LRFN2: variants seen among roughly 807,000 people sequenced by gnomAD.
LRFN2 encodes leucine rich repeat and fibronectin type III domain containing 2, also known as leucine-rich repeat and fibronectin type-III domain-containing protein 2.
In LRFN2, 18 loss-of-function variants were observed where a neutral mutation model predicts 37.3. The ratio of observed to expected loss-of-function variants is 0.48; its 90% CI spans 0.33 to 0.72. The LOEUF (loss-of-function observed/expected upper bound fraction) is 0.72, where lower values mean the gene tolerates loss of function less well. Ranked by LOEUF, LRFN2 falls within the 30% of genes least tolerant of loss-of-function variation. The pLI, the probability that LRFN2 is intolerant of heterozygous loss-of-function variation, is 0.02. For synonymous variants in LRFN2, 556 were observed against 466.6 expected, an observed-to-expected ratio of 1.19 and a Z score of -2.47; for missense variants, 1,006 against 1,060.7, an observed-to-expected ratio of 0.95 and a Z score of 0.72.
At position 40,571,050 on chromosome 6, in the gene LRFN2, C is replaced by T. The variant is rs191336850; in HGVS notation, c.-19+15891G>A. ...GCTGCAGCCATTTAGCAAGAGGCCC[C>T]GGAAGCAGAGCTGGAGAGGAATCAC... On this transcript the variant is annotated intron_variant, in intron 1 of 2. Coordinates refer to ENST00000338305, the MANE Select transcript of LRFN2 (RefSeq NM_020737.3). 7.5e-4 allele frequency among the ~76,000 whole-genome samples: 114 copies of T among 152,300 alleles called. 1 individual carries two copies. Among genetic ancestry groups the T allele is most frequent in the Admixed American group, 5.0e-3 (77 of 15,306 alleles).
intron 1 of LRFN2, among the ~76,000 whole-genome samples, chr6:40,487,956 C>A (rs2113867897): frequency 6.6e-6 from 1 of 152,314 alleles, no homozygotes; most frequent in South Asian, 2.1e-4. Flanking sequence ...ACTCCTCTGG[C>A]TGGTGGGCAG....
intron 1 of LRFN2, among the ~76,000 whole-genome samples, chr6:40,499,388 A>C (rs1765317071): frequency 6.8e-6 from 1 of 147,482 alleles, no homozygotes. Flanking sequence ...CCTTCCAGAC[A>C]TTTTTTTTTT....
intron 1 of LRFN2, among the ~76,000 whole-genome samples, chr6:40,563,904 C>G (rs1341302179): frequency 1.3e-5 from 2 of 152,210 alleles, no homozygotes; most frequent in South Asian, 2.1e-4. Flanking sequence ...TGTGTGCCCA[C>G]AAGGTGCTGG....
intron 1 of LRFN2, among the ~76,000 whole-genome samples, chr6:40,443,961 A>G (rs919875): frequency 0.081 from 12,376 of 152,180 alleles, 640 homozygotes; most frequent in South Asian, 0.16. Context: ...ACCCACTGAC[A>G]ACCTAGGGCT....
chr6:40,420,234 G>A (rs994136834), intron 2 of LRFN2, among the ~76,000 whole-genome samples: 4 of 152,214 alleles, frequency 2.6e-5, no homozygotes, highest in Middle Eastern at 3.2e-3. Context: ...GTGGCCCATC[G>A]CGTCCTGTGG....
At chr6:40,562,928 G>C (rs977145013) in intron 1 of LRFN2, among the ~76,000 whole-genome samples, 1 of 151,868 alleles carries the variant, frequency 6.6e-6, no homozygotes, top group Non-Finnish European at 1.5e-5. Flanking sequence ...CTCTCAAGAG[G>C]CTGCAGGTGA....
At chr6:40,505,455 G>A (rs1478222058) in intron 1 of LRFN2, among the ~76,000 whole-genome samples, 1 of 152,152 alleles carries the variant, frequency 6.6e-6, no homozygotes, top group African/African-American at 2.4e-5. Flanking sequence ...CTAAAAGTCC[G>A]CAAATAACCA....
At chr6:40,524,879 C>T (rs946389167) in intron 1 of LRFN2, among the ~76,000 whole-genome samples, 15 of 152,336 alleles carry the variant, frequency 9.8e-5, no homozygotes, top group Admixed American at 8.5e-4. Context: ...ATTCTAGAAG[C>T]TCCATACCCT....
At chr6:40,468,658 T>C (rs1764525886) in intron 1 of LRFN2, among the ~76,000 whole-genome samples, 1 of 152,060 alleles carries the variant, frequency 6.6e-6, no homozygotes, top group African/African-American at 2.4e-5. Flanking sequence ...GTGAAAACAA[T>C]ATGAATGGGC....
intron 1 of LRFN2, among the ~76,000 whole-genome samples, chr6:40,489,703 C>G (rs1263108870): frequency 6.6e-6 from 1 of 152,100 alleles, no homozygotes; most frequent in African/African-American, 2.4e-5. Context: ...ACCCACCCTT[C>G]TCACCTTCCC....
Position 40,392,603 on chromosome 6 carries a change from C to CTT in LRFN2, c.1709_1710insAA (p.Ala571ArgfsTer3). On this transcript the variant is annotated frameshift_variant, in exon 3 of 3. Coordinates refer to ENST00000338305, the MANE Select transcript of LRFN2 (RefSeq NM_020737.3). LOFTEE classifies it high-confidence loss of function. This position sits in a 1 kb window ranked among gnomAD's most constrained non-coding sequence, Gnocchi z 4.7. ...TCTGCGAGTACACATTGCTCACGGC[C>CTT]GCTGCCATCTTGCTGGGGGCCTCGT... 1 of 1,609,520 alleles carries CTT rather than the reference C, an allele frequency of 6.2e-7. No homozygotes were observed. Among genetic ancestry groups the CTT allele is most frequent in the African/African-American group, 1.3e-5 (1 of 75,070 alleles).
At chr6:40,447,105 G>T (rs115184311) in intron 1 of LRFN2, among the ~76,000 whole-genome samples, 1 of 151,748 alleles carries the variant, frequency 6.6e-6, no homozygotes, top group African/African-American at 2.4e-5. Flanking sequence ...GTCTCCCCCA[G>T]ACTGGGGTCC....
chr6:40,466,479 C>T (rs1469863458), intron 1 of LRFN2, among the ~76,000 whole-genome samples: 1 of 151,634 alleles, frequency 6.6e-6, no homozygotes, highest in Non-Finnish European at 1.5e-5. Flanking sequence ...GAAAGACAGC[C>T]ATTAGCATCC....
At chr6:40,485,480 A>C (rs962262161) in intron 1 of LRFN2, among the ~76,000 whole-genome samples, 1 of 152,200 alleles carries the variant, frequency 6.6e-6, no homozygotes, top group African/African-American at 2.4e-5. Context: ...AAATTTACTC[A>C]ATATGTTTGC....
At chr6:40,467,519 A>T (rs778828868) in intron 1 of LRFN2, among the ~76,000 whole-genome samples, 3 of 152,200 alleles carry the variant, frequency 2.0e-5, no homozygotes, top group Admixed American at 6.5e-5. Context: ...TGAGGGACAC[A>T]GTTAGTGACT....
intron 1 of LRFN2, among the ~76,000 whole-genome samples, chr6:40,535,747 C>T (rs1318597422): frequency 6.6e-6 from 1 of 152,076 alleles, no homozygotes; most frequent in East Asian, 1.9e-4. Context: ...GCAGGCCCCA[C>T]ATTTGCTGAC....
At chr6:40,450,218 C>T (rs758721801) in intron 1 of LRFN2, among the ~76,000 whole-genome samples, 2 of 152,214 alleles carry the variant, frequency 1.3e-5, no homozygotes, top group African/African-American at 2.4e-5. Context: ...TTCCCTACCT[C>T]GGAGCTCACC....
chr6:40,435,979 A>G (rs1002194570), intron 1 of LRFN2, among the ~76,000 whole-genome samples: 1 of 152,178 alleles, frequency 6.6e-6, no homozygotes, highest in Non-Finnish European at 1.5e-5. Context: ...CATCACTGTG[A>G]AGTAGAAATA....
chr6:40,507,706 A>G (rs987420556), intron 1 of LRFN2, among the ~76,000 whole-genome samples: 17 of 152,340 alleles, frequency 1.1e-4, no homozygotes, highest in Admixed American at 1.3e-4. Flanking sequence ...GTAAGTGTCA[A>G]GAAATGCTGG....
Sources: gnomAD v4.1 joint callset for allele counts (sites outside exome capture counted in the v4.1 genomes callset) on GRCh38, gnomAD v4.1.1 for gene constraint, Gnocchi (gnomAD v3.1) non-coding constraint, MANE v1.5 for transcripts, NCBI Gene and HGNC (gene_info 2026-07-23, HGNC 2026-07-21) for gene names.